Variants in TMEM132C observed in about 807,000 individuals in gnomAD.
TMEM132C encodes protein phosphatase 1, regulatory subunit 152.
Under a neutral mutation model 61.4 loss-of-function variants are expected in TMEM132C, and 29 were observed. The observed-to-expected ratio is 0.47, with a 90% CI of 0.35 to 0.64. The LOEUF is 0.64. Among genes scored for constraint, TMEM132C ranks in the 30% least tolerant of loss-of-function variants. The pLI is 0.00. For synonymous variants in TMEM132C, 656 were observed against 633.1 expected (o/e 1.04, Z -0.54); for missense variants, 1,408 against 1,476.9 (o/e 0.95, Z 0.76).
intron 2 of TMEM132C, among the ~76,000 whole-genome samples, chr12:128,470,316 C>T (rs985523478): frequency 5.3e-5 from 8 of 152,194 alleles, no homozygotes; most frequent in African/African-American, 1.2e-4. Flanking sequence ...AGGCATTTGT[C>T]GCGTGTCCTC....
chr12:128,590,587 A>G (rs1875717164), intron 3 of TMEM132C, among the ~76,000 whole-genome samples: 1 of 152,166 alleles, frequency 6.6e-6, no homozygotes, highest in African/African-American at 2.4e-5. Flanking sequence ...GAGCAAGAAC[A>G]GCACCTCAGT....
intron 2 of TMEM132C, among the ~76,000 whole-genome samples, chr12:128,454,807 C>T (rs1428625136): frequency 1.3e-5 from 2 of 152,220 alleles, no homozygotes; most frequent in African/African-American, 4.8e-5. Context: ...TCACAGGTAC[C>T]CTGGCTTCCA....
rs71069547 is a variant in TMEM132C, at chr12:128,276,894, G to GCACACACACACACACACACACACACA, written c.85+9429_85+9430insCACACACACACACACACACACACACA. ...CATGTGTGCATGCATGTGCGTGCATGCACACACACACACACACACACAATT... is the reference window on the plus strand; with the variant it reads ...CATGTGTGCATGCATGTGCGTGCATGCACACACACACACACACACACACACACACACACACACACACACACACAATT... On this transcript the variant is annotated intron_variant, in intron 1 of 8. Coordinates refer to ENST00000435159, the MANE Select transcript of TMEM132C (RefSeq NM_001136103.3). Among the ~76,000 whole-genome samples, 69 of 150,034 alleles carry GCACACACACACACACACACACACACA rather than the reference G, an allele frequency of 4.6e-4. No individual in the cohort carries two copies. The East Asian group carries it at 0.012, about 26-fold the overall frequency.
At chr12:128,614,656 A>C (rs1031812417) in intron 3 of TMEM132C, among the ~76,000 whole-genome samples, 1 of 152,214 alleles carries the variant, frequency 6.6e-6, no homozygotes, top group Non-Finnish European at 1.5e-5. Flanking sequence ...AAAAAATGAA[A>C]AAGTTTGGAC....
rs147529068 is a variant in TMEM132C, at chr12:128,318,437, C to T, written c.85+50950C>T. Among the ~76,000 whole-genome samples, 12 of 152,304 alleles carry T rather than the reference C, an allele frequency of 7.9e-5. No individual in the cohort carries two copies. The East Asian group carries it at 2.3e-3, about 29-fold the overall frequency. ...CTTAAATGATAAGTAGAAACACACA[C>T]TCCCCTAGAGGACTAATTTGACTTG... is the stretch of plus-strand genomic sequence containing the variant. On this transcript the variant is annotated intron_variant, in intron 1 of 8. Coordinates refer to ENST00000435159, the MANE Select transcript of TMEM132C (RefSeq NM_001136103.3).
chr12:128,424,808 A>G (rs1252842221), intron 2 of TMEM132C, among the ~76,000 whole-genome samples: 3 of 152,276 alleles, frequency 2.0e-5, no homozygotes, highest in East Asian at 1.9e-4. Context: ...CATTGAGCCA[A>G]TTTTCAAAAA....
intron 4 of TMEM132C, among the ~76,000 whole-genome samples, chr12:128,634,890 T>C (rs916801008): frequency 6.6e-6 from 1 of 152,232 alleles, no homozygotes; most frequent in Non-Finnish European, 1.5e-5. Context: ...TTTTATTTCC[T>C]TTCCTTCTGA....
At chr12:128,414,690 C>G in intron 1 of TMEM132C, 42 bp from the exon 2 acceptor site, 1 of 1,470,246 alleles carries the variant, frequency 6.8e-7, no homozygotes, top group Non-Finnish European at 9.0e-7. Flanking sequence ...CATTAATAAT[C>G]CTGTCTTTGT....
At chr12:128,373,792 T>G (rs2135983717) in intron 1 of TMEM132C, among the ~76,000 whole-genome samples, 1 of 152,110 alleles carries the variant, frequency 6.6e-6, no homozygotes, top group African/African-American at 2.4e-5. Context: ...TTGTTCAGGG[T>G]TTTGGAGGAA....
At chr12:128,636,564 T>TTG (rs61201583) in intron 4 of TMEM132C, among the ~76,000 whole-genome samples, 1,727 of 142,318 alleles carry the variant, frequency 0.012, 24 homozygotes, top group African/African-American at 0.028. Flanking sequence ...GGGTTTTTGT[T>TTG]TGTGTGTGTG....
intron 3 of TMEM132C, among the ~76,000 whole-genome samples, chr12:128,602,021 A>G (rs1202657779): frequency 6.6e-6 from 1 of 152,094 alleles, no homozygotes; most frequent in Non-Finnish European, 1.5e-5. Context: ...AGCCTGAGCA[A>G]TGTACCGAGA....
At position 128,602,252 on chromosome 12, in the gene TMEM132C, C is replaced by T. The variant is rs545643690; in HGVS notation, c.1122-13900C>T. Among the ~76,000 whole-genome samples the T allele has an allele frequency of 1.4e-4, 21 of 152,342 alleles. No homozygotes were observed. The South Asian group carries it at 3.7e-3, about 27-fold the overall frequency. Reference sequence around the variant, plus strand: ...ACCACAATCCACTTCAGCTTACCAACGCATGAGTGTATTTCCAATCTACAA... The same window carrying T: ...ACCACAATCCACTTCAGCTTACCAATGCATGAGTGTATTTCCAATCTACAA... On this transcript the variant is annotated intron_variant, in intron 3 of 8. Transcript: ENST00000435159.
chr12:128,530,000 T>C (rs1301295325), intron 2 of TMEM132C, among the ~76,000 whole-genome samples: 1 of 152,000 alleles, frequency 6.6e-6, no homozygotes, highest in African/African-American at 2.4e-5. Context: ...CAATCTGGTA[T>C]TTGGCTAAAC....
chr12:128,521,452 C>A (rs951200314), intron 2 of TMEM132C, among the ~76,000 whole-genome samples: 1 of 149,764 alleles, frequency 6.7e-6, no homozygotes, highest in Non-Finnish European at 1.5e-5. Flanking sequence ...CCCCCAGCCC[C>A]CAGCCCCCCA....
intron 1 of TMEM132C, among the ~76,000 whole-genome samples, chr12:128,355,342 C>T (rs1416804404): frequency 1.3e-5 from 2 of 152,114 alleles, no homozygotes; most frequent in Non-Finnish European, 2.9e-5. Context: ...CCCTCTGGGG[C>T]TGCCATCTGT....
At chr12:128,355,283 G>A (rs960542076) in intron 1 of TMEM132C, among the ~76,000 whole-genome samples, 1 of 152,128 alleles carries the variant, frequency 6.6e-6, no homozygotes, top group Non-Finnish European at 1.5e-5. Context: ...AGGAGGGAAG[G>A]GATCTCTCTG....
intron 3 of TMEM132C, among the ~76,000 whole-genome samples, chr12:128,585,306 AG>A (rs1875502265): frequency 6.6e-6 from 1 of 152,152 alleles, no homozygotes; most frequent in Non-Finnish European, 1.5e-5. Context: ...CCATTCTTGC[AG>A]GAGTGTGTCC....
chr12:128,631,288 A>G (rs749724181), intron 4 of TMEM132C, among the ~76,000 whole-genome samples: 3 of 152,234 alleles, frequency 2.0e-5, no homozygotes, highest in Non-Finnish European at 4.4e-5. Flanking sequence ...ATTTTAATTA[A>G]TTTTAACATA....
chr12:128,323,189 T>C (rs1044538021), intron 1 of TMEM132C, among the ~76,000 whole-genome samples: 37 of 152,098 alleles, frequency 2.4e-4, no homozygotes, highest in African/African-American at 8.9e-4. Context: ...CCAGGAGAAA[T>C]ATTTCAGTGA....
Sources: allele counts gnomAD v4.1 joint callset (sites outside exome capture counted in the v4.1 genomes callset), GRCh38; gene constraint gnomAD v4.1.1; transcripts MANE v1.5; gene names NCBI Gene and HGNC (gene_info 2026-07-23, HGNC 2026-07-21).